The following ICA1 variants were observed in gnomAD, a reference collection of about 807,000 sequenced individuals.
ICA1 encodes 69 kDa islet cell autoantigen.
A neutral mutation model predicts 71.0 loss-of-function variants in ICA1; 40 were observed. That is an observed-to-expected ratio of 0.56 (90% CI 0.44 to 0.73). The LOEUF (loss-of-function observed/expected upper bound fraction) is 0.73, where lower values mean the gene tolerates loss of function less well. Ranked by LOEUF, ICA1 falls within the 30% of genes least tolerant of loss-of-function variation. The probability of loss-of-function intolerance (pLI) is 0.00; values close to 1 mark genes in which losing one functional copy is unlikely to be tolerated. For synonymous variants in ICA1, 207 were observed against 209.5 expected, an observed-to-expected ratio of 0.99 and a Z score of 0.10; for missense variants, 578 against 576.5, an observed-to-expected ratio of 1.00 and a Z score of -0.03.
intron 10 of ICA1, among the ~76,000 whole-genome samples, chr7:8,141,482 G>A (rs932560919): frequency 3.3e-5 from 5 of 152,218 alleles, no homozygotes; most frequent in Non-Finnish European, 4.4e-5. Context: ...AAGAAACAGC[G>A]ATTTGCCAGT....
At chr7:8,258,244 T>C (rs1479078572) in intron 1 of ICA1, among the ~76,000 whole-genome samples, 1 of 152,230 alleles carries the variant, frequency 6.6e-6, no homozygotes, top group East Asian at 1.9e-4. Context: ...GTCTGAGTCT[T>C]GGGATTCTGA....
chr7:8,230,533 C>T (rs1279281399), intron 3 of ICA1, among the ~76,000 whole-genome samples: 1 of 152,150 alleles, frequency 6.6e-6, no homozygotes, highest in Non-Finnish European at 1.5e-5. Context: ...CAGCTAAGTA[C>T]AATGGATGCT....
At chr7:8,180,064 T>C (rs1000972408) in intron 6 of ICA1, among the ~76,000 whole-genome samples, 4 of 151,986 alleles carry the variant, frequency 2.6e-5, no homozygotes, top group Admixed American at 6.6e-5. Context: ...AAGTGCAAAA[T>C]ATACAGTTTT....
Position 8,136,690 on chromosome 7 carries a change from T to C in ICA1, c.1060+2150A>G, listed in dbSNP as rs551863620. ...GACATTGACTTTAACTGAGACAATG[T>C]GCAAACCAATACTTCTGCCTGAGAA... On this transcript the variant is annotated intron_variant, in intron 12 of 13. Coordinates refer to ENST00000402384, the MANE Select transcript of ICA1 (RefSeq NM_001136020.3). Among the ~76,000 whole-genome samples, 68 of 152,312 alleles carry C rather than the reference T, an allele frequency of 4.5e-4. 1 individual carries two copies. The South Asian group carries it at 0.013, about 28-fold the overall frequency.
chr7:8,116,349 C>G (rs574041961), intron 13 of ICA1: 1 of 152,312 alleles, frequency 6.6e-6, no homozygotes, highest in East Asian at 1.9e-4. Flanking sequence ...CAGAGCATAT[C>G]AGATCTAGTG....
intron 7 of ICA1, chr7:8,157,529 C>T (rs985801974): frequency 5.6e-5 from 17 of 304,662 alleles, no homozygotes; most frequent in African/African-American, 3.3e-4. Context: ...CTGTTGCAAT[C>T]CCTCAGCTGA....
intron 6 of ICA1, among the ~76,000 whole-genome samples, chr7:8,162,360 T>C (rs142280049): frequency 6.6e-6 from 1 of 152,354 alleles, no homozygotes; most frequent in East Asian, 1.9e-4. Context: ...CTGCTGAGTT[T>C]CCAAATGCTG....
chr7:8,238,744 C>A (rs987531617), intron 1 of ICA1, among the ~76,000 whole-genome samples: 24 of 152,234 alleles, frequency 1.6e-4, no homozygotes, highest in African/African-American at 5.3e-4. Context: ...AATTGCTGAG[C>A]AAATTGCCCC....
chr7:8,204,224 T>C (rs1212837920), intron 6 of ICA1, among the ~76,000 whole-genome samples: 2 of 152,178 alleles, frequency 1.3e-5, no homozygotes, highest in Non-Finnish European at 2.9e-5. Flanking sequence ...TTTTTTCCAA[T>C]AGTAACCTAA....
At chr7:8,196,114 T>C (rs1177930068) in intron 6 of ICA1, among the ~76,000 whole-genome samples, 1 of 152,200 alleles carries the variant, frequency 6.6e-6, no homozygotes. Flanking sequence ...AACCAAGCTG[T>C]CCTTCAGTAG....
intron 6 of ICA1, among the ~76,000 whole-genome samples, chr7:8,188,816 G>A (rs1784650953): frequency 6.6e-6 from 1 of 152,156 alleles, no homozygotes; most frequent in South Asian, 2.1e-4. Context: ...ATTCAGGGCA[G>A]TACTTACAGG....
At chr7:8,251,564 T>C (rs1263233563) in intron 1 of ICA1, among the ~76,000 whole-genome samples, 1 of 151,390 alleles carries the variant, frequency 6.6e-6, no homozygotes. Flanking sequence ...TTTTCAATGA[T>C]TAAAAAATTG....
At chr7:8,115,384 A>G (rs1432282377) in intron 13 of ICA1, among the ~76,000 whole-genome samples, 1 of 152,190 alleles carries the variant, frequency 6.6e-6, no homozygotes, top group Non-Finnish European at 1.5e-5. Context: ...AAAAAAGGCA[A>G]TACTGATTTC....
intron 1 of ICA1, among the ~76,000 whole-genome samples, chr7:8,244,454 C>T (rs6463786): frequency 0.02 from 3,075 of 152,170 alleles, 95 homozygotes; most frequent in African/African-American, 0.068. Flanking sequence ...CCATAAAAAC[C>T]CTAGAGGAAA....
At position 8,138,996 on chromosome 7, in the gene ICA1, G is replaced by A. The variant is rs1015034853; in HGVS notation, c.1007C>T (p.Thr336Ile). The change falls in exon 11 of 14, where the codon ACT (threonine) becomes ATT (isoleucine). Residue 336 changes from threonine to isoleucine, a missense_variant. Transcript: ENST00000402384. ...LSALDKGSTHTACSGPIDELL... is the reference protein window; with the variant it reads ...LSALDKGSTHIACSGPIDELL... ...TTAATCTAGGTTACCTGAGCATGCA[G>A]TATGTGTAGAGCCTTTGTCTAAGGC... 1 of 1,612,940 alleles carries A rather than the reference G, an allele frequency of 6.2e-7. No homozygotes were observed. Among genetic ancestry groups the A allele is most frequent in the African/African-American group, 1.3e-5 (1 of 75,044 alleles).
chr7:8,158,689 C>T (rs1421694577), intron 6 of ICA1, 37 bp from the exon 7 acceptor site: 2 of 1,596,120 alleles, frequency 1.3e-6, no homozygotes, highest in South Asian at 1.1e-5. Context: ...ATCACCCTAA[C>T]CCTTAAGTAG....
rs1164888020 is a variant in ICA1 at position 8,144,276 on chromosome 7, G to A, written c.805-304C>T. 1.3e-5 allele frequency among the ~76,000 whole-genome samples: 2 copies of A among 152,060 alleles called. No homozygotes were observed. The highest frequency in any genetic ancestry group is 4.2e-4 in the South Asian group (2 of 4,798). On this transcript the variant is annotated intron_variant, in intron 8 of 13. Coordinates refer to ENST00000402384, the MANE Select transcript of ICA1 (RefSeq NM_001136020.3). This position sits in a 1 kb window ranked among gnomAD's most constrained non-coding sequence, Gnocchi z 4.5. ...TAAGTTATTCAAACGTGGCCTTTTG[G>A]CTATTGCTAACTTTATTTTTCAACT...
intron 6 of ICA1, among the ~76,000 whole-genome samples, chr7:8,205,241 G>T (rs1435787435): frequency 6.6e-6 from 1 of 152,172 alleles, no homozygotes; most frequent in East Asian, 1.9e-4. Flanking sequence ...CTTGGGGAGG[G>T]AAGGTGAGGA....
intron 1 of ICA1, among the ~76,000 whole-genome samples, chr7:8,245,273 A>G (rs1157877614): frequency 6.6e-6 from 1 of 152,106 alleles, no homozygotes; most frequent in Non-Finnish European, 1.5e-5. Context: ...ACATGGATGA[A>G]GCTGGAAACC....
Sources: gnomAD v4.1 joint callset for allele counts (sites outside exome capture counted in the v4.1 genomes callset) on GRCh38, gnomAD v4.1.1 for gene constraint, Gnocchi (gnomAD v3.1) non-coding constraint, MANE v1.5 for transcripts, NCBI Gene and HGNC (gene_info 2026-07-23, HGNC 2026-07-21) for gene names.